MINDY4: variants seen among roughly 807,000 people sequenced by gnomAD.
MINDY4 encodes MINDY lysine 48 deubiquitinase 4.
Under a neutral mutation model 87.0 loss-of-function variants are expected in MINDY4, and 68 were observed. The observed-to-expected ratio is 0.78, with a 90% CI of 0.64 to 0.96. The LOEUF is 0.96. MINDY4 is among the 40% of genes least tolerant of loss of function. The probability of loss-of-function intolerance (pLI) is 0.00; values close to 1 mark genes in which losing one functional copy is unlikely to be tolerated. For synonymous variants in MINDY4, 379 were observed against 363.2 expected (o/e 1.04, Z -0.50); for missense variants, 919 against 928.2 (o/e 0.99, Z 0.13).
At chr7:30,863,590 C>A (rs1789834940) in intron 13 of MINDY4, among the ~76,000 whole-genome samples, 1 of 152,192 alleles carries the variant, frequency 6.6e-6, no homozygotes, top group South Asian at 2.1e-4. Context: ...GCACCAAAGT[C>A]AGTGCCTCCT....
In MINDY4 at chr7:30,852,278, C is replaced by T. The variant is rs374490373; in HGVS notation, c.1610C>T (p.Thr537Ile). 1 of 1,614,120 alleles carries T rather than the reference C, an allele frequency of 6.2e-7. No homozygotes were observed. Among genetic ancestry groups the T allele is most frequent in the South Asian group, 1.1e-5 (1 of 91,060 alleles). Reference protein sequence around the residue: ...GKYKADGVLETLTLHSLTCYE... With the variant: ...GKYKADGVLEILTLHSLTCYE... ...TACAAAGCAGATGGAGTCTTAGAAA[C>T]AGTACGACTTTCTGGAAAATTATCA... The change falls in exon 11 of 18, where the codon ACA becomes ATA. Residue 537 changes from threonine to isoleucine, a missense_variant and splice_region_variant. Transcript: ENST00000265299.
intron 17 of MINDY4, among the ~76,000 whole-genome samples, chr7:30,885,444 G>C (rs777024244): frequency 2.0e-5 from 3 of 152,078 alleles, no homozygotes; most frequent in African/African-American, 7.2e-5. Context: ...CCTGGGAGGC[G>C]AAGATTGCAG....
chr7:30,807,852 C>T (rs552256755), intron 5 of MINDY4, among the ~76,000 whole-genome samples: 3 of 152,318 alleles, frequency 2.0e-5, no homozygotes, highest in Admixed American at 6.5e-5. Context: ...TAGAATTGTG[C>T]GCCCTTAAAA....
chr7:30,840,335 C>T (rs1395931658), intron 8 of MINDY4, among the ~76,000 whole-genome samples: 1 of 152,222 alleles, frequency 6.6e-6, no homozygotes, highest in Non-Finnish European at 1.5e-5. Flanking sequence ...GTTGAAGGGG[C>T]TCACTGCCAG....
chr7:30,840,329 A>T (rs991704470), intron 8 of MINDY4, among the ~76,000 whole-genome samples: 11 of 152,214 alleles, frequency 7.2e-5, no homozygotes, highest in African/African-American at 2.4e-4. Context: ...CAGGCTGTTG[A>T]AGGGGCTCAC....
intron 3 of MINDY4, among the ~76,000 whole-genome samples, chr7:30,784,987 C>T (rs1787114398): frequency 6.6e-6 from 1 of 152,040 alleles, no homozygotes; most frequent in Non-Finnish European, 1.5e-5. Flanking sequence ...AGGTAAGATT[C>T]CCCTTTGCCT....
intron 17 of MINDY4, among the ~76,000 whole-genome samples, chr7:30,891,553 CG>C (rs749216938): frequency 7.9e-5 from 12 of 152,304 alleles, no homozygotes; most frequent in South Asian, 2.1e-4. Context: ...CCCATTGTTT[CG>C]CACTCAGCCA....
chr7:30,784,676 C>G (rs908340240), intron 3 of MINDY4, among the ~76,000 whole-genome samples: 1 of 152,218 alleles, frequency 6.6e-6, no homozygotes, highest in Non-Finnish European at 1.5e-5. Flanking sequence ...TTCTGGGGAC[C>G]TCTTGCTGCC....
intron 15 of MINDY4, among the ~76,000 whole-genome samples, chr7:30,879,347 C>T (rs995189867): frequency 2.6e-5 from 4 of 152,142 alleles, no homozygotes; most frequent in African/African-American, 7.2e-5. Context: ...CTCAGGGGCA[C>T]GGCCTTCAGA....
chr7:30,849,983 C>A (rs896312190), intron 9 of MINDY4, among the ~76,000 whole-genome samples: 57 of 152,266 alleles, frequency 3.7e-4, no homozygotes, highest in Admixed American at 2.0e-4. Flanking sequence ...CTGCTGTCCC[C>A]TTGGCCCTGG....
intron 7 of MINDY4, among the ~76,000 whole-genome samples, chr7:30,838,953 GCCCATGT>G (rs753872375): frequency 3.5e-4 from 54 of 152,254 alleles, no homozygotes; most frequent in Non-Finnish European, 7.1e-4. Context: ...AAAGATTTTG[GCCCATGT>G]CAGCACAGGC....
intron 7 of MINDY4, 63 bp downstream of exon 7, chr7:30,836,827 T>G: frequency 7.8e-7 from 1 of 1,284,408 alleles, no homozygotes; most frequent in Non-Finnish European, 1.1e-6. Flanking sequence ...GATGGCGTGA[T>G]TTTGGTGTTT....
At chr7:30,812,013 C>G (rs964690234) in intron 5 of MINDY4, among the ~76,000 whole-genome samples, 5 of 152,178 alleles carry the variant, frequency 3.3e-5, no homozygotes, top group Non-Finnish European at 7.3e-5. Flanking sequence ...GACATTACTA[C>G]TGATTTATTA....
chr7:30,806,381 G>C (rs1787805261), intron 5 of MINDY4, among the ~76,000 whole-genome samples: 1 of 152,064 alleles, frequency 6.6e-6, no homozygotes, highest in South Asian at 2.1e-4. Context: ...TTGTCATAAG[G>C]AATAAGTAAA....
chr7:30,859,140 C>A, intron 12 of MINDY4, 117 bp from the exon 13 acceptor site: 1 of 975,064 alleles, frequency 1.0e-6, no homozygotes, highest in Non-Finnish European at 1.6e-6. Context: ...CAGGGCTGGG[C>A]TGGAGGCAGT....
Position 30,791,014 on chromosome 7 carries a change from A to T in MINDY4, c.664-151A>T. On this transcript the variant is annotated intron_variant, in intron 4 of 17. Transcript: ENST00000265299. ...TGGGAGCATTTGAGTAGCTCCTTAA[A>T]TAATAGGCAAGATTTTAAGGGAAAG... 5 of 826,842 alleles carry T rather than the reference A, an allele frequency of 6.0e-6. No homozygotes were observed. The South Asian group carries it at 8.8e-5, about 15-fold the overall frequency. The allele number at this position is 826,842 out of a possible 1,614,324, so 51.2% of individuals were successfully genotyped here. A position where few individuals can be genotyped will look rare whatever the true frequency, so the allele number is the denominator to read the frequency against.
chr7:30,785,689 A>G (rs545738393), intron 3 of MINDY4, 60 bp from the exon 4 acceptor site: 34 of 1,590,438 alleles, frequency 2.1e-5, no homozygotes, highest in African/African-American at 1.2e-4. Context: ...GGAATTTGCT[A>G]TCTTTGTTAC....
At chr7:30,806,941 A>G (rs1026180252) in intron 5 of MINDY4, among the ~76,000 whole-genome samples, 9 of 152,220 alleles carry the variant, frequency 5.9e-5, no homozygotes, top group Admixed American at 6.5e-5. Flanking sequence ...GTTTCACTCA[A>G]TTGTTTAAAG....
chr7:30,829,172 G>A (rs1788618614), intron 6 of MINDY4, among the ~76,000 whole-genome samples: 1 of 152,200 alleles, frequency 6.6e-6, no homozygotes, highest in African/African-American at 2.4e-5. Flanking sequence ...GGCATTAAGT[G>A]TACAACCTTA....
Sources: allele counts gnomAD v4.1 joint callset (sites outside exome capture counted in the v4.1 genomes callset), GRCh38; gene constraint gnomAD v4.1.1; transcripts MANE v1.5; gene names NCBI Gene and HGNC (gene_info 2026-07-23, HGNC 2026-07-21).